CDH22: variants seen among roughly 807,000 people sequenced by gnomAD.
CDH22 encodes cadherin 22.
Under a neutral mutation model 58.4 loss-of-function variants are expected in CDH22, and 30 were observed. The observed-to-expected ratio is 0.51, with a 90% confidence interval of 0.38 to 0.70. The LOEUF (loss-of-function observed/expected upper bound fraction) is 0.70, where lower values mean the gene tolerates loss of function less well. Ranked by LOEUF, CDH22 falls within the 30% of genes least tolerant of loss-of-function variation. The pLI is 0.00. For missense variants in CDH22, 1,014 were observed against 1,233.9 expected (o/e 0.82, Z 2.67); for synonymous variants, 513 against 558.2 (o/e 0.92, Z 1.14).
At position 46,301,546 on chromosome 20, in the gene CDH22, C is replaced by T. The variant is rs140374366; in HGVS notation, c.-400+6709G>A. Among the ~76,000 whole-genome samples the T allele has an allele frequency of 5.2e-3, 792 of 151,892 alleles. 9 individuals carry two copies. The highest frequency in any genetic ancestry group is 0.018 in the African/African-American group (742 of 41,438). On this transcript the variant is annotated intron_variant, in intron 1 of 11. Transcript: ENST00000537909. Reference sequence around the variant, plus strand: ...ATATATATGGCTGGGTGCGGTGGCTCATGCCTGTAATCCCAGCACTTTGGG... The same window carrying T: ...ATATATATGGCTGGGTGCGGTGGCTTATGCCTGTAATCCCAGCACTTTGGG...
chr20:46,186,784 A>G, intron 9 of CDH22, 42 bp downstream of exon 9: 11 of 1,595,472 alleles, frequency 6.9e-6, no homozygotes, highest in Non-Finnish European at 8.6e-6. Flanking sequence ...GCTGCTGGCC[A>G]GTCCTGGAAG....
At chr20:46,296,950 AC>A (rs2086631649) in intron 1 of CDH22, among the ~76,000 whole-genome samples, 1 of 152,304 alleles carries the variant, frequency 6.6e-6, no homozygotes, top group South Asian at 2.1e-4. Context: ...TTGGGGACTT[AC>A]AAGTCCCTCT....
chr20:46,213,514 G>A (rs181794558), intron 5 of CDH22, among the ~76,000 whole-genome samples: 2 of 152,290 alleles, frequency 1.3e-5, no homozygotes, highest in African/African-American at 2.4e-5. Context: ...CTAAGACTCC[G>A]GAGTCAGTCC....
chr20:46,222,876 G>A (rs986340656), intron 4 of CDH22, among the ~76,000 whole-genome samples: 2 of 152,224 alleles, frequency 1.3e-5, no homozygotes, highest in African/African-American at 2.4e-5. Flanking sequence ...GCCCCGTTCC[G>A]GCTCTGCTCC....
intron 6 of CDH22, among the ~76,000 whole-genome samples, chr20:46,211,510 A>G (rs2086043351): frequency 6.6e-6 from 1 of 152,212 alleles, no homozygotes; most frequent in African/African-American, 2.4e-5. Flanking sequence ...CTCTGGAGCC[A>G]GGCCATCAGT....
At chr20:46,185,913 T>C (rs143555486) in intron 10 of CDH22, among the ~76,000 whole-genome samples, 93 of 150,912 alleles carry the variant, frequency 6.2e-4, no homozygotes, top group Admixed American at 1.4e-3. Context: ...AATAAAGCAG[T>C]TTTTAAACTG....
At chr20:46,279,681 G>A (rs1212252002) in intron 1 of CDH22, among the ~76,000 whole-genome samples, 2 of 152,206 alleles carry the variant, frequency 1.3e-5, no homozygotes, top group Admixed American at 1.3e-4. Flanking sequence ...CTGAGGAAGT[G>A]GGAGGGGACC....
At chr20:46,301,769 C>A (rs2086653257) in intron 1 of CDH22, among the ~76,000 whole-genome samples, 1 of 152,034 alleles carries the variant, frequency 6.6e-6, no homozygotes, top group Non-Finnish European at 1.5e-5. Context: ...CGAGATTGCG[C>A]CCTTGCACTC....
chr20:46,195,200 C>T (rs1337132166), intron 8 of CDH22, among the ~76,000 whole-genome samples: 1 of 152,200 alleles, frequency 6.6e-6, no homozygotes, highest in East Asian at 1.9e-4. Flanking sequence ...ATCATGCATT[C>T]CTGTTTTTCC....
intron 5 of CDH22, among the ~76,000 whole-genome samples, chr20:46,215,841 G>A (rs2086080701): frequency 6.6e-6 from 1 of 152,208 alleles, no homozygotes; most frequent in Admixed American, 6.5e-5. Flanking sequence ...CCACCCGTCT[G>A]CATGGGGCTG....
intron 1 of CDH22, among the ~76,000 whole-genome samples, chr20:46,264,254 G>C (rs903974051): frequency 1.3e-5 from 2 of 152,078 alleles, no homozygotes; most frequent in African/African-American, 4.8e-5. Flanking sequence ...AGAAGGCTAG[G>C]CAAAGGGACA....
chr20:46,264,351 G>GCATACC (rs1329045907), intron 1 of CDH22, among the ~76,000 whole-genome samples: 1 of 152,170 alleles, frequency 6.6e-6, no homozygotes, highest in Non-Finnish European at 1.5e-5. Context: ...GAGGCCAGTT[G>GCATACC]CATACCTTGA....
At chr20:46,175,786 C>G (rs973249626) in intron 11 of CDH22, among the ~76,000 whole-genome samples, 3 of 152,190 alleles carry the variant, frequency 2.0e-5, no homozygotes, top group African/African-American at 4.8e-5. Flanking sequence ...TGTGTTTTAA[C>G]AAGACCTGCA....
At chr20:46,196,282 C>CTT (rs796480388) in intron 8 of CDH22, among the ~76,000 whole-genome samples, 1 of 146,394 alleles carries the variant, frequency 6.8e-6, no homozygotes. Context: ...TTTGTGGCAG[C>CTT]TTTTTTTTTT....
intron 1 of CDH22, among the ~76,000 whole-genome samples, chr20:46,292,268 A>G (rs1353215082): frequency 3.9e-5 from 6 of 152,190 alleles, no homozygotes; most frequent in African/African-American, 1.4e-4. Flanking sequence ...GCCTGTCCCA[A>G]TAAATGCAAA....
chr20:46,259,098 C>G (rs1261808149), intron 1 of CDH22, among the ~76,000 whole-genome samples: 1 of 152,202 alleles, frequency 6.6e-6, no homozygotes, highest in Non-Finnish European at 1.5e-5. Flanking sequence ...GTAGAGACAT[C>G]CATTCCTTAA....
chr20:46,229,299 C>CCA (rs1568666459), intron 3 of CDH22, among the ~76,000 whole-genome samples: 2 of 147,052 alleles, frequency 1.4e-5, no homozygotes, highest in African/African-American at 4.9e-5. Context: ...GCCCCCCCCC[C>CCA]CAATTTTACA....
chr20:46,176,991 C>G (rs951825773), intron 11 of CDH22, among the ~76,000 whole-genome samples: 2 of 152,112 alleles, frequency 1.3e-5, no homozygotes, highest in African/African-American at 4.8e-5. Context: ...AAAGTGCACC[C>G]TCTGGAAAAA....
intron 3 of CDH22, among the ~76,000 whole-genome samples, chr20:46,228,443 C>T (rs1380976588): frequency 6.6e-6 from 1 of 152,130 alleles, no homozygotes; most frequent in Non-Finnish European, 1.5e-5. Flanking sequence ...ATTTTTGACG[C>T]TGCCTCATTA....
Sources: gnomAD v4.1 joint callset for allele counts (sites outside exome capture counted in the v4.1 genomes callset) on GRCh38, gnomAD v4.1.1 for gene constraint, MANE v1.5 for transcripts, NCBI Gene and HGNC (gene_info 2026-07-23, HGNC 2026-07-21) for gene names.